The following SIPA1L1 variants were observed in gnomAD, a reference collection of about 807,000 sequenced individuals.
SIPA1L1 encodes the protein signal induced proliferation associated 1 like 1.
In SIPA1L1, 26 loss-of-function variants were observed where a neutral mutation model predicts 162.7. The observed-to-expected ratio is 0.16, with a 90% confidence interval of 0.12 to 0.22. SIPA1L1 has a LOEUF of 0.22. Ranked by LOEUF, SIPA1L1 falls within the 10% of genes least tolerant of loss-of-function variation. SIPA1L1 has a pLI of 1.00. For missense variants in SIPA1L1, 1,874 were observed against 2,241.0 expected (o/e 0.84, Z 3.31); for synonymous variants, 829 against 837.4 (o/e 0.99, Z 0.17).
intron 2 of SIPA1L1, among the ~76,000 whole-genome samples, chr14:71,379,779 A>T (rs2039735187): frequency 6.6e-6 from 1 of 152,260 alleles, no homozygotes; most frequent in Non-Finnish European, 1.5e-5. Context: ...TTTCATTTAC[A>T]TTAGAAAGTA....
At chr14:71,733,585 T>C in intron 20 of SIPA1L1, 81 bp from the exon 21 acceptor site, 1 of 1,388,278 alleles carries the variant, frequency 7.2e-7, no homozygotes, top group Non-Finnish European at 1.0e-6. Context: ...TACAATCTAT[T>C]GTGGTAACAG....
chr14:71,582,406 C>T lies in SIPA1L1; in HGVS notation c.-302-5165C>T, dbSNP rs1285674506. On this transcript the variant is annotated intron_variant, in intron 4 of 23. Coordinates refer to ENST00000381232, the MANE Select transcript of SIPA1L1 (RefSeq NM_001386936.1). ...CCGCATTCTTTATCATTCTTCTGCC[C>T]TCAAGCTTTCTGCCAAACTTTTGTG... Among the ~76,000 whole-genome samples, 5 of 152,220 alleles carry T rather than the reference C, an allele frequency of 3.3e-5. No individual in the cohort carries two copies. The East Asian group carries it at 9.6e-4, about 29-fold the overall frequency.
intron 2 of SIPA1L1, among the ~76,000 whole-genome samples, chr14:71,492,051 G>A (rs1030161695): frequency 1.3e-5 from 2 of 152,230 alleles, no homozygotes; most frequent in South Asian, 2.1e-4. Context: ...GAGGCACCAC[G>A]GTAGCTAGCA....
intron 5 of SIPA1L1, among the ~76,000 whole-genome samples, chr14:71,607,230 G>C (rs2037634127): frequency 1.3e-5 from 2 of 151,622 alleles, no homozygotes; most frequent in South Asian, 2.1e-4. Flanking sequence ...TTAATTTGCA[G>C]ATAAACTTGC....
At chr14:71,550,128 T>C (rs1199437674) in intron 4 of SIPA1L1, among the ~76,000 whole-genome samples, 2 of 152,146 alleles carry the variant, frequency 1.3e-5, no homozygotes, top group African/African-American at 4.8e-5. Flanking sequence ...GTGCGTGCAC[T>C]TGTAGTCCCA....
At chr14:71,704,625 C>T (rs1335346969) in intron 15 of SIPA1L1, 5 of 836,216 alleles carry the variant, frequency 6.0e-6, no homozygotes, top group South Asian at 1.4e-5. Context: ...TTATCTCTCA[C>T]TTTTGGAACC....
intron 13 of SIPA1L1, among the ~76,000 whole-genome samples, chr14:71,691,693 A>G (rs1480424611): frequency 6.6e-6 from 1 of 151,906 alleles, no homozygotes; most frequent in Admixed American, 6.6e-5. Context: ...CTCTGCAAGC[A>G]CTATGTTCCC....
chr14:71,456,842 T>A (rs2046220764), intron 2 of SIPA1L1, among the ~76,000 whole-genome samples: 1 of 152,254 alleles, frequency 6.6e-6, no homozygotes, highest in South Asian at 2.1e-4. Flanking sequence ...ATTGAATAAA[T>A]CTAAATAAGA....
intron 9 of SIPA1L1, among the ~76,000 whole-genome samples, chr14:71,660,121 G>A (rs1011496576): frequency 1.3e-5 from 2 of 152,002 alleles, no homozygotes; most frequent in Non-Finnish European, 2.9e-5. Flanking sequence ...TAATATTACA[G>A]AAAATGACAT....
At chr14:71,525,049 C>T (rs1226641158) in intron 3 of SIPA1L1, among the ~76,000 whole-genome samples, 1 of 152,176 alleles carries the variant, frequency 6.6e-6, no homozygotes, top group African/African-American at 2.4e-5. Flanking sequence ...TCATGGCTCA[C>T]TGCAGCCTCA....
chr14:71,424,022 T>C (rs189402435), intron 2 of SIPA1L1, among the ~76,000 whole-genome samples: 214 of 152,290 alleles, frequency 1.4e-3, no homozygotes, highest in Non-Finnish European at 2.5e-3. Context: ...CTTCCTTGTT[T>C]AATTCCTAGG....
chr14:71,398,174 C>A (rs894444472), intron 2 of SIPA1L1, among the ~76,000 whole-genome samples: 3 of 152,020 alleles, frequency 2.0e-5, no homozygotes, highest in Non-Finnish European at 4.4e-5. Context: ...TGCCACTGCA[C>A]CCGGCTAATT....
At chr14:71,325,340 T>C (rs1313301477) in intron 2 of SIPA1L1, among the ~76,000 whole-genome samples, 2 of 152,262 alleles carry the variant, frequency 1.3e-5, no homozygotes, top group African/African-American at 4.8e-5. Context: ...TATTCTTAAA[T>C]GATAGCTCAT....
At chr14:71,699,156 G>A (rs770492624) in intron 14 of SIPA1L1, 29 bp downstream of exon 14, 4 of 1,608,198 alleles carry the variant, frequency 2.5e-6, no homozygotes, top group Non-Finnish European at 3.4e-6. Context: ...CATTGTACAT[G>A]GTCCCTGTTG....
intron 9 of SIPA1L1, 73 bp downstream of exon 9, chr14:71,658,509 T>C (rs766633291): frequency 8.2e-6 from 8 of 980,120 alleles, no homozygotes; most frequent in Non-Finnish European, 1.3e-5. Flanking sequence ...GGCAAGTTTG[T>C]AAAATCTTAA....
chr14:71,648,453 G>A (rs1163952974), intron 7 of SIPA1L1, among the ~76,000 whole-genome samples: 5 of 152,116 alleles, frequency 3.3e-5, no homozygotes, highest in Admixed American at 1.3e-4. Flanking sequence ...GACATTTTCC[G>A]TTATCACGAT....
chr14:71,439,580 T>A (rs1412223161), intron 2 of SIPA1L1, among the ~76,000 whole-genome samples: 2 of 152,208 alleles, frequency 1.3e-5, no homozygotes, highest in Non-Finnish European at 2.9e-5. Flanking sequence ...AAACATTAAT[T>A]TATCTTTCTA....
intron 2 of SIPA1L1, among the ~76,000 whole-genome samples, chr14:71,463,017 G>A (rs566888523): frequency 1.2e-4 from 18 of 152,354 alleles, no homozygotes; most frequent in African/African-American, 4.3e-4. Context: ...TACAGCAGCT[G>A]CAATTGGAGT....
At chr14:71,393,792 G>GCC (rs1264031441) in intron 2 of SIPA1L1, among the ~76,000 whole-genome samples, 2 of 152,316 alleles carry the variant, frequency 1.3e-5, no homozygotes, top group African/African-American at 4.8e-5. Context: ...CTGCATTTAA[G>GCC]CCTGGGTGAT....
Sources: allele counts gnomAD v4.1 joint callset (sites outside exome capture counted in the v4.1 genomes callset), GRCh38; gene constraint gnomAD v4.1.1; transcripts MANE v1.5; gene names NCBI Gene and HGNC (gene_info 2026-07-23, HGNC 2026-07-21).